Variants in AURKAIP1 observed in about 807,000 individuals in gnomAD.
AURKAIP1 encodes small ribosomal subunit protein bS22, mitochondrial.
In AURKAIP1, 20 loss-of-function variants were observed where a neutral mutation model predicts 18.4. The ratio of observed to expected loss-of-function variants is 1.09; its 90% CI spans 0.77 to 1.58. The LOEUF is 1.58. AURKAIP1 is among the 40% of genes most tolerant of loss of function. The pLI is 0.00. For missense variants in AURKAIP1, 319 were observed against 270.7 expected, an observed-to-expected ratio of 1.18 and a Z score of -1.25; for synonymous variants, 156 against 120.8, an observed-to-expected ratio of 1.29 and a Z score of -1.91.
rs759538464 is a variant in AURKAIP1 at position 1,374,144 on chromosome 1, G to A, written c.354C>T (p.Gly118=). ...IGEGAEQGDE[G]VADAPQIQCK... ...ACTGAATTTGAGGCGCATCCGCGAC[G>A]CCTTCATCCCCCTGCTCGGCCCCTT... Residue 118 remains glycine, a synonymous_variant, in exon 3 of 4, where the codon GGC becomes GGT. Transcript: ENST00000338338. 6.5e-5 allele frequency: 105 copies of A among 1,613,826 alleles called. No homozygotes were observed. The East Asian group carries it at 2.1e-3, about 32-fold the overall frequency.
chr1:1,374,977 G>A (rs1644334657), intron 1 of AURKAIP1, 177 bp downstream of exon 1: 3 of 508,512 alleles, frequency 5.9e-6, no homozygotes, highest in Admixed American at 7.9e-5. Context: ...CGACGCGGGC[G>A]GTGTCGCGCT....
rs780252686 is a variant in AURKAIP1 at position 1,373,781 on chromosome 1, C to T, written c.*20G>A. ...TACTACGGATCACAGCAGCAACGGG[C>T]GGGAAGGGCGGCGCCAGACTCATTT... On this transcript the variant is annotated 3_prime_UTR_variant, in exon 4 of 4. Transcript: ENST00000338338. 195 of 1,586,036 alleles carry T rather than the reference C, an allele frequency of 1.2e-4. No individual in the cohort carries two copies. The South Asian group carries it at 2.1e-3, about 17-fold the overall frequency.
In AURKAIP1 at chr1:1,373,960, A is replaced by G. The variant is rs773523069; in HGVS notation, c.498+40T>C. ...ATTCGTGGCAAAGAAACGTGTTCTC[A>G]GCACTTTGCCCTCCCAGGGCCAAGC... On this transcript the variant is annotated intron_variant, in intron 3 of 3. Coordinates refer to ENST00000338338, the MANE Select transcript of AURKAIP1 (RefSeq NM_017900.3). 1.9e-6 allele frequency: 3 copies of G among 1,608,672 alleles called. No homozygotes were observed. In the African/African-American group the frequency reaches 4.0e-5, roughly 21 times the overall value.
intron 2 of AURKAIP1, 62 bp from the exon 3 acceptor site, chr1:1,374,507 G>A (rs996853466): frequency 9.9e-6 from 14 of 1,410,546 alleles, no homozygotes; most frequent in Non-Finnish European, 1.3e-5. Flanking sequence ...TCGGGTTGAG[G>A]AGCAGCAGGT....
At position 1,374,666 on chromosome 1, in the gene AURKAIP1, G is replaced by A. The variant is rs370802222; in HGVS notation, c.52+39C>T. 34 of 1,548,190 alleles carry A rather than the reference G, an allele frequency of 2.2e-5. No individual in the cohort carries two copies. In the East Asian group the frequency reaches 7.6e-4, roughly 34 times the overall value. ...CTGCTGAGACCCGCACTCCTAACCA[G>A]GTGTGCATCCTCCCATCCGCCCCCG... On this transcript the variant is annotated intron_variant, in intron 2 of 3. Transcript: ENST00000338338.
In AURKAIP1 at chr1:1,374,767, C is replaced by A. The variant is rs756987148; in HGVS notation, c.-11G>T. On this transcript the variant is annotated 5_prime_UTR_variant, in exon 2 of 4. Coordinates refer to ENST00000338338, the MANE Select transcript of AURKAIP1 (RefSeq NM_017900.3). ...GCGCCCCAGGAGCATGGTCTGTGGG[C>A]GGCGGCCACAGGTCCCAGGGGAGCT... 6.4e-7 allele frequency: 1 copy of A among 1,554,308 alleles called. No individual in the cohort carries two copies. Among genetic ancestry groups the A allele is most frequent in the Admixed American group, 1.9e-5 (1 of 51,586 alleles).
Position 1,374,444 on chromosome 1 carries a change from G to C in AURKAIP1, c.54C>G (p.Gly18=), listed in dbSNP as rs1352306769. 1 of 1,444,372 alleles carries C rather than the reference G, an allele frequency of 6.9e-7. No homozygotes were observed. The highest frequency in any genetic ancestry group is 9.1e-7 in the Non-Finnish European group (1 of 1,103,594). The allele number at this position is 1,444,372 out of a possible 1,614,324, so 89.5% of individuals were successfully genotyped here. A position where few individuals can be genotyped will look rare whatever the true frequency, so the allele number is the denominator to read the frequency against. The change falls in exon 3 of 4, where the codon GGC becomes GGG. Residue 18 remains glycine, a splice_region_variant and synonymous_variant. Transcript: ENST00000338338. ...SQLLRAVPWA[G]GRPPWPVSGV... ...CAGAGACGGGCCAAGGCGGGCGGCC[G>C]CCTGCAGAAAACCAGACGCCACGGT... is the stretch of plus-strand genomic sequence containing the variant.
intron 1 of AURKAIP1, 71 bp downstream of exon 1, chr1:1,375,083 C>T (rs1052684041): frequency 5.1e-5 from 14 of 276,734 alleles, no homozygotes; most frequent in Non-Finnish European, 6.9e-6. Flanking sequence ...ACCCTCTCGG[C>T]TGGACCCCGG....
At position 1,374,354 on chromosome 1, in the gene AURKAIP1, C is replaced by A. The variant is rs753052826; in HGVS notation, c.144G>T (p.Ala48=). ...GGGCCCCCTTGCGAGGGAGAGAGGC[C>A]GCCCTACCTGGGCCGGCCGGCGATG... ...YSTSPAGPGR[A]ASLPRKGAQL... The change falls in exon 3 of 4, where the codon GCG becomes GCT. Residue 48 remains alanine, a synonymous_variant. Coordinates refer to ENST00000338338, the MANE Select transcript of AURKAIP1 (RefSeq NM_017900.3). 5 of 1,540,224 alleles carry A rather than the reference C, an allele frequency of 3.2e-6. No homozygotes were observed. The African/African-American group carries it at 5.5e-5, about 17-fold the overall frequency.
intron 1 of AURKAIP1, 37 bp downstream of exon 1, chr1:1,375,117 G>A (rs1287495133): frequency 8.6e-6 from 2 of 232,144 alleles, no homozygotes; most frequent in South Asian, 5.3e-5. Flanking sequence ...AGCGCCCGGC[G>A]CCCTCAGGCC....
rs143351909 is a variant in AURKAIP1, at chr1:1,374,298, C to T, written c.200G>A (p.Arg67Lys). 3.8e-6 allele frequency: 6 copies of T among 1,590,340 alleles called. No homozygotes were observed. In the African/African-American group the frequency reaches 8.0e-5, roughly 21 times the overall value. Reference sequence around the variant, plus strand: ...CTCCAGGGGGCTGACGGACATCTTCCTGGGGACCAGCATCTCCTCCAGCTC... The same window carrying T: ...CTCCAGGGGGCTGACGGACATCTTCTTGGGGACCAGCATCTCCTCCAGCTC... ...QLELEEMLVP[R>K]KMSVSPLESW... Residue 67 changes from arginine (R) to lysine (K), a missense_variant, in exon 3 of 4, where the codon AGG (arginine) becomes AAG (lysine). Coordinates refer to ENST00000338338, the MANE Select transcript of AURKAIP1 (RefSeq NM_017900.3).
chr1:1,374,813 G>A (rs1644332916), intron 1 of AURKAIP1, 23 bp from the exon 2 acceptor site: 1 of 1,509,166 alleles, frequency 6.6e-7, no homozygotes, highest in African/African-American at 1.4e-5. Flanking sequence ...TGCCCGTTCA[G>A]GTCAGGCGGC....
chr1:1,374,212 C>A lies in AURKAIP1; in HGVS notation c.286G>T (p.Ala96Ser). Residue 96 changes from alanine to serine, a missense_variant, in exon 3 of 4, where the codon GCT (alanine) becomes TCT (serine). Physicochemically the swap from Ala to Ser is moderately conservative, Grantham distance 99. Transcript: ENST00000338338. The stretch of plus-strand genomic sequence containing the variant: ...GGACACTGGTAGGATTGCGGTGGAG[C>A]CACAGTCCCTGCGGTCCCGGTATCC... ...RLDTGTAGTV[A>S]PPQSYQCPPS... The A allele has an allele frequency of 1.2e-6, 2 of 1,613,384 alleles. No individual in the cohort carries two copies.
rs375201673 is a variant in AURKAIP1 at position 1,373,952 on chromosome 1, G to A, written c.498+48C>T. The stretch of plus-strand genomic sequence containing the variant: ...GCCAAGTAATTCGTGGCAAAGAAAC[G>A]TGTTCTCAGCACTTTGCCCTCCCAG... On this transcript the variant is annotated intron_variant, in intron 3 of 3. Transcript: ENST00000338338. 2.6e-4 allele frequency: 411 copies of A among 1,608,800 alleles called. 3 individuals carry two copies. The highest frequency in any genetic ancestry group is 2.6e-4 in the South Asian group (24 of 91,080).
rs754741556 is a variant in AURKAIP1, at chr1:1,373,920, A to C, written c.499-18T>G. On this transcript the variant is annotated intron_variant, in intron 3 of 3. Transcript: ENST00000338338. The stretch of plus-strand genomic sequence containing the variant: ...AACTTGATCTGCAAGACGCAGAGAG[A>C]GGGACCGCCAAGTAATTCGTGGCAA... 6.2e-7 allele frequency: 1 copy of C among 1,609,196 alleles called. No individual in the cohort carries two copies. The highest frequency in any genetic ancestry group is 8.5e-7 in the Non-Finnish European group (1 of 1,179,946).
chr1:1,374,968 G>C, intron 1 of AURKAIP1, 178 bp from the exon 2 acceptor site: 1 of 517,970 alleles, frequency 1.9e-6, no homozygotes, highest in East Asian at 3.6e-5. Context: ...CCAAGCCCCC[G>C]ACGCGGGCGG....
chr1:1,374,158 G>C lies in AURKAIP1; in HGVS notation c.340C>G (p.Gln114Glu). 1 of 1,613,856 alleles carries C rather than the reference G, an allele frequency of 6.2e-7. No individual in the cohort carries two copies. Among genetic ancestry groups the C allele is most frequent in the South Asian group, 1.1e-5 (1 of 91,084 alleles). ...PPSQIGEGAE[Q>E]GDEGVADAPQ... ...GCATCCGCGACGCCTTCATCCCCCT[G>C]CTCGGCCCCTTCCCCTATCTGGCTG... Residue 114 changes from glutamine to glutamate, a missense_variant, in exon 3 of 4, where the codon CAG (glutamine) becomes GAG (glutamate). Coordinates refer to ENST00000338338, the MANE Select transcript of AURKAIP1 (RefSeq NM_017900.3).
chr1:1,374,629 G>T, intron 2 of AURKAIP1, 76 bp downstream of exon 2: 1 of 1,484,510 alleles, frequency 6.7e-7, no homozygotes, highest in Non-Finnish European at 9.2e-7. Context: ...CACCGGCCCT[G>T]CCCCAGCGGA....
chr1:1,375,108 G>A lies in AURKAIP1; in HGVS notation c.-35+46C>T, dbSNP rs1644336507. The stretch of plus-strand genomic sequence containing the variant: ...CTGGACCCCGGGCCCGCCTGCCGCA[G>A]CGCCCGGCGCCCTCAGGCCTCCCGC... On this transcript the variant is annotated intron_variant, in intron 1 of 3. Coordinates refer to ENST00000338338, the MANE Select transcript of AURKAIP1 (RefSeq NM_017900.3). 4 of 236,100 alleles carry A rather than the reference G, an allele frequency of 1.7e-5. No individual in the cohort carries two copies. The South Asian group carries it at 2.1e-4, about 12-fold the overall frequency. The allele number at this position is 236,100 out of a possible 1,614,324, so 14.6% of individuals were successfully genotyped here. A position where few individuals can be genotyped will look rare whatever the true frequency, so the allele number is the denominator to read the frequency against.
Sources: allele counts gnomAD v4.1 joint callset, GRCh38; gene constraint gnomAD v4.1.1; transcripts MANE v1.5; gene names NCBI Gene and HGNC (gene_info 2026-07-23, HGNC 2026-07-21).